EYS: variants seen among roughly 807,000 people sequenced by gnomAD.
EYS encodes EGF-like photoreceptor maintenance factor.
A neutral mutation model predicts 282.1 loss-of-function variants in EYS; 250 were observed. The observed-to-expected ratio is 0.89, with a 90% CI of 0.80 to 0.98. The LOEUF is 0.98. EYS is among the 50% of genes least tolerant of loss of function. EYS has a pLI of 0.00. For synonymous variants in EYS, 1,355 were observed against 1,282.9 expected (o/e 1.06, Z -1.20); for missense variants, 4,016 against 3,709.0 (o/e 1.08, Z -2.15).
chr6:65,563,399 CTA>C (rs1001850457), intron 2 of EYS, among the ~76,000 whole-genome samples: 15 of 151,876 alleles, frequency 9.9e-5, no homozygotes, highest in African/African-American at 3.6e-4. Context: ...TAATATAAAA[CTA>C]TGTTATATTT....
At chr6:65,582,319 A>G (rs1339741558) in intron 2 of EYS, among the ~76,000 whole-genome samples, 1 of 152,134 alleles carries the variant, frequency 6.6e-6, no homozygotes, top group Non-Finnish European at 1.5e-5. Context: ...AATACTTTAT[A>G]TTACTTCATG....
intron 31 of EYS, among the ~76,000 whole-genome samples, chr6:64,135,469 A>ATAGTG (rs1774130214): frequency 6.6e-6 from 1 of 152,074 alleles, no homozygotes; most frequent in African/African-American, 2.4e-5. Flanking sequence ...ACACTATAAC[A>ATAGTG]CTATGGGGAT....
chr6:65,391,800 T>C (rs375627156), intron 7 of EYS, among the ~76,000 whole-genome samples: 3 of 147,352 alleles, frequency 2.0e-5, no homozygotes, highest in Non-Finnish European at 3.0e-5. Flanking sequence ...TGACTTTCTT[T>C]ACAGAATTGG....
Position 63,908,005 on chromosome 6 carries a change from CACAA to C in EYS, c.7056-43651_7056-43648del, listed in dbSNP as rs1439817257. On this transcript the variant is annotated intron_variant, in intron 35 of 42. Transcript: ENST00000503581. The stretch of plus-strand genomic sequence containing the variant: ...ATATATGTACACACACACACACACA[CACAA>C]ACGTATATATATATATATATATACG... Among the ~76,000 whole-genome samples the C allele has an allele frequency of 9.7e-4, 54 of 55,502 alleles. 2 individuals carry two copies. In the South Asian group the frequency reaches 0.013, roughly 14 times the overall value. The allele number at this position is 55,502 out of a possible 152,430, so 36.4% of individuals were successfully genotyped here.
intron 12 of EYS, among the ~76,000 whole-genome samples, chr6:65,182,903 C>A (rs1339310424): frequency 6.6e-6 from 1 of 151,942 alleles, no homozygotes; most frequent in Non-Finnish European, 1.5e-5. Context: ...ATCCTCCCAC[C>A]CCAGCCTCTT....
intron 22 of EYS, among the ~76,000 whole-genome samples, chr6:64,643,813 C>T (rs1768257377): frequency 6.6e-6 from 1 of 152,202 alleles, no homozygotes; most frequent in African/African-American, 2.4e-5. Flanking sequence ...GTGACTTGCT[C>T]CTCCTTGCCT....
chr6:65,085,652 T>C (rs1774343662), intron 12 of EYS, among the ~76,000 whole-genome samples: 1 of 152,202 alleles, frequency 6.6e-6, no homozygotes, highest in Non-Finnish European at 1.5e-5. Flanking sequence ...CTAAATTGTT[T>C]GATGACTTTT....
At chr6:64,500,379 T>G (rs1257321808) in intron 26 of EYS, among the ~76,000 whole-genome samples, 1 of 152,126 alleles carries the variant, frequency 6.6e-6, no homozygotes, top group East Asian at 1.9e-4. Flanking sequence ...TTAGACAAGT[T>G]CCTAGGAACA....
At chr6:65,053,017 T>C (rs1358086339) in intron 13 of EYS, among the ~76,000 whole-genome samples, 1 of 151,832 alleles carries the variant, frequency 6.6e-6, no homozygotes, top group South Asian at 2.1e-4. Flanking sequence ...TTTTGGAGGA[T>C]CTGTAATTTT....
intron 4 of EYS, chr6:65,491,445 GT>G (rs1487182977): frequency 9.6e-6 from 3 of 311,808 alleles, no homozygotes; most frequent in Non-Finnish European, 1.9e-5. Flanking sequence ...TTGGCAATAT[GT>G]TTTTTTCCCC....
At chr6:64,540,641 C>T (rs559422053) in intron 26 of EYS, among the ~76,000 whole-genome samples, 81 of 152,104 alleles carry the variant, frequency 5.3e-4, no homozygotes, top group African/African-American at 1.9e-3. Flanking sequence ...CACCGCCACA[C>T]CCAGGTAATT....
At chr6:64,369,583 T>C (rs1772286405) in intron 29 of EYS, among the ~76,000 whole-genome samples, 1 of 152,100 alleles carries the variant, frequency 6.6e-6, no homozygotes, top group Admixed American at 6.6e-5. Context: ...CCTTGGTTTC[T>C]TTGAGCAATG....
chr6:64,518,812 C>G (rs1777644614), intron 26 of EYS, among the ~76,000 whole-genome samples: 1 of 148,692 alleles, frequency 6.7e-6, no homozygotes, highest in Non-Finnish European at 1.5e-5. Context: ...CATTCTTCGC[C>G]TTGCTGCTGC....
chr6:64,364,876 C>A (rs1000839788), intron 29 of EYS, among the ~76,000 whole-genome samples: 1 of 151,860 alleles, frequency 6.6e-6, no homozygotes, highest in Non-Finnish European at 1.5e-5. Context: ...TGTAACACAA[C>A]AGCACTGGTA....
At chr6:64,877,256 G>T (rs2150057608) in intron 19 of EYS, among the ~76,000 whole-genome samples, 1 of 152,246 alleles carries the variant, frequency 6.6e-6, no homozygotes, top group African/African-American at 2.4e-5. Flanking sequence ...ACAACACTAG[G>T]CAGAACACAG....
At chr6:63,826,340 T>C (rs906673042) in intron 36 of EYS, among the ~76,000 whole-genome samples, 12 of 152,162 alleles carry the variant, frequency 7.9e-5, no homozygotes, top group Non-Finnish European at 1.6e-4. Context: ...AGGAAAACTT[T>C]CCCAGCCTTG....
At chr6:64,492,982 G>A (rs1302250942) in intron 26 of EYS, among the ~76,000 whole-genome samples, 1 of 151,286 alleles carries the variant, frequency 6.6e-6, no homozygotes. Flanking sequence ...AGCATTGAAA[G>A]GAGACTGAAC....
chr6:64,323,462 A>C (rs1427592732), intron 29 of EYS, among the ~76,000 whole-genome samples: 3 of 152,086 alleles, frequency 2.0e-5, no homozygotes, highest in African/African-American at 7.2e-5. Context: ...GCTAGTGTGA[A>C]TACTCCTGCT....
chr6:65,283,996 T>C (rs1768291531), intron 12 of EYS, among the ~76,000 whole-genome samples: 1 of 152,174 alleles, frequency 6.6e-6, no homozygotes, highest in Non-Finnish European at 1.5e-5. Context: ...CTAAACTCGA[T>C]TGACTGAATG....
Sources: gnomAD v4.1 joint callset for allele counts (sites outside exome capture counted in the v4.1 genomes callset) on GRCh38, gnomAD v4.1.1 for gene constraint, MANE v1.5 for transcripts, NCBI Gene and HGNC (gene_info 2026-07-23, HGNC 2026-07-21) for gene names.